The following GTSE1 variants were observed in gnomAD, a reference collection of about 807,000 sequenced individuals.
GTSE1 encodes the protein G2 and S phase-expressed protein 1.
In GTSE1, 52 loss-of-function variants were observed where a neutral mutation model predicts 60.5. The ratio of observed to expected loss-of-function variants is 0.86; its 90% CI spans 0.69 to 1.08. GTSE1 has a LOEUF of 1.08. Ranked by LOEUF, GTSE1 falls within the 50% of genes least tolerant of loss-of-function variation. The probability of loss-of-function intolerance (pLI) is 0.00; values close to 1 mark genes in which losing one functional copy is unlikely to be tolerated. For synonymous variants in GTSE1, 368 were observed against 386.5 expected (o/e 0.95, Z 0.56); for missense variants, 937 against 961.8 (o/e 0.97, Z 0.34).
chr22:46,329,641 G>A lies in GTSE1; in HGVS notation c.2136+74G>A, dbSNP rs1050883579. On this transcript the variant is annotated intron_variant, in intron 11 of 11. Coordinates refer to ENST00000454366, the MANE Select transcript of GTSE1 (RefSeq NM_016426.7). The surrounding 1 kb of genome is among the most constrained non-coding windows in gnomAD (Gnocchi z 6.4). ...GTTCTGGGATTGTTCATCCTCCCAG[G>A]GCCATCGTGGGACCCTTGAGAGTGG... 8.6e-7 allele frequency: 1 copy of A among 1,158,168 alleles called. No homozygotes were observed. The highest frequency in any genetic ancestry group is 1.3e-6 in the Non-Finnish European group (1 of 772,026). The allele number at this position is 1,158,168 out of a possible 1,614,324, so 71.7% of individuals were successfully genotyped here. A position where few individuals can be genotyped will look rare whatever the true frequency, so the allele number is the denominator to read the frequency against.
chr22:46,325,062 A>C (rs2077835994), intron 8 of GTSE1, among the ~76,000 whole-genome samples: 1 of 152,156 alleles, frequency 6.6e-6, no homozygotes, highest in South Asian at 2.1e-4. Context: ...GTTTCTCACA[A>C]TTCTGGAGGC....
rs113244983 is a variant in GTSE1 at position 46,312,154 on chromosome 22, T to A, written c.776T>A (p.Ile259Asn). Residue 259 changes from isoleucine (I) to asparagine (N), a missense_variant, in exon 5 of 12, where the codon ATT (isoleucine) becomes AAT (asparagine). Transcript: ENST00000454366. ...PGAAEKPKKE[I>N]PASPSRTKIP... is the part of the protein sequence containing the mutation. ...TAAAATTTTCAGCCCAAGAAAGAGATTCCAGCTAGTCCTTCCAGGACAAAA... is the reference window on the plus strand; with the variant it reads ...TAAAATTTTCAGCCCAAGAAAGAGAATCCAGCTAGTCCTTCCAGGACAAAA... 5.6e-6 allele frequency: 9 copies of A among 1,612,796 alleles called. No homozygotes were observed. In the South Asian group the frequency reaches 8.8e-5, roughly 16 times the overall value.
In GTSE1 at chr22:46,309,941, C is replaced by T. The variant is rs190956779; in HGVS notation, c.762+998C>T. 4.7e-4 allele frequency among the ~76,000 whole-genome samples: 72 copies of T among 152,294 alleles called. No homozygotes were observed. Among genetic ancestry groups the T allele is most frequent in the African/African-American group, 1.6e-3 (65 of 41,556 alleles). On this transcript the variant is annotated intron_variant, in intron 4 of 11. Transcript: ENST00000454366. The surrounding 1 kb of genome is among the most constrained non-coding windows in gnomAD (Gnocchi z 6.2). ...ATTGTGCATGTAGCACGCGTGGACTCGGGGAGAGAGGTGGTGTGATTTGGG... is the reference window on the plus strand; with the variant it reads ...ATTGTGCATGTAGCACGCGTGGACTTGGGGAGAGAGGTGGTGTGATTTGGG...
Position 46,317,968 on chromosome 22 carries a change from G to T in GTSE1, c.1432+1556G>T, listed in dbSNP as rs1410822661. Among the ~76,000 whole-genome samples, 3 of 152,198 alleles carry T rather than the reference G, an allele frequency of 2.0e-5. No homozygotes were observed. Among genetic ancestry groups the T allele is most frequent in the African/African-American group, 7.2e-5 (3 of 41,446 alleles). On this transcript the variant is annotated intron_variant, in intron 7 of 11. Transcript: ENST00000454366. This position sits in a 1 kb window ranked among gnomAD's most constrained non-coding sequence, Gnocchi z 5.6. ...CTGCCCTGCACCTGTGCACTGCCTG[G>T]TGCTCAGCCAGAGACTCGAGATTCC...
At chr22:46,302,200 T>C (rs2147812641) in intron 2 of GTSE1, among the ~76,000 whole-genome samples, 1 of 152,322 alleles carries the variant, frequency 6.6e-6, no homozygotes, top group African/African-American at 2.4e-5. Flanking sequence ...TTTGTATCCT[T>C]TTTCTATCTT....
chr22:46,306,372 A>G (rs943877317), intron 2 of GTSE1, among the ~76,000 whole-genome samples: 163 of 151,966 alleles, frequency 1.1e-3, no homozygotes, highest in African/African-American at 3.7e-3. Context: ...TTGTAGAGAC[A>G]GGGTTTCACC....
intron 5 of GTSE1, among the ~76,000 whole-genome samples, chr22:46,312,671 G>A (rs1186798487): frequency 6.6e-6 from 1 of 150,586 alleles, no homozygotes; most frequent in Admixed American, 6.6e-5. Flanking sequence ...TGGAAAAGTT[G>A]AAAATACACC....
At chr22:46,311,887 T>C (rs2077750494) in intron 4 of GTSE1, among the ~76,000 whole-genome samples, 1 of 152,232 alleles carries the variant, frequency 6.6e-6, no homozygotes, top group Non-Finnish European at 1.5e-5. Flanking sequence ...ACCTCTCTCC[T>C]ATTAATGATC....
In GTSE1 at chr22:46,308,990, C is replaced by T; in HGVS notation, c.762+47C>T. ...CTGCCTGGGGAGCCCCCACTCCTTGCCCCTCAGCCCTCTCACAGAAGCCAC... is the reference window on the plus strand; with the variant it reads ...CTGCCTGGGGAGCCCCCACTCCTTGTCCCTCAGCCCTCTCACAGAAGCCAC... On this transcript the variant is annotated intron_variant, in intron 4 of 11. Coordinates refer to ENST00000454366, the MANE Select transcript of GTSE1 (RefSeq NM_016426.7). 3 of 1,548,472 alleles carry T rather than the reference C, an allele frequency of 1.9e-6. No individual in the cohort carries two copies. The South Asian group carries it at 3.7e-5, about 19-fold the overall frequency.
chr22:46,323,095 A>G, intron 7 of GTSE1, 95 bp from the exon 8 acceptor site: 1 of 830,682 alleles, frequency 1.2e-6, no homozygotes, highest in South Asian at 1.3e-5. Flanking sequence ...GACAGTGGAG[A>G]TACTCGGAGA....
rs147590487 is a variant in GTSE1, at chr22:46,314,535, C to T, written c.1051+522C>T. 1.7e-3 allele frequency among the ~76,000 whole-genome samples: 258 copies of T among 152,152 alleles called. 1 individual carries two copies. Among genetic ancestry groups the T allele is most frequent in the African/African-American group, 5.7e-3 (235 of 41,520 alleles). ...TCTTCGAGGTGCATTGGCCATGTGG[C>T]GTCTCGGGGTCGTTCAGGGCAGCAT... is the stretch of plus-strand genomic sequence containing the variant. On this transcript the variant is annotated intron_variant, in intron 6 of 11. Coordinates refer to ENST00000454366, the MANE Select transcript of GTSE1 (RefSeq NM_016426.7). The surrounding 1 kb of genome is among the most constrained non-coding windows in gnomAD (Gnocchi z 7.1).
rs1228438043 is a variant in GTSE1, at chr22:46,318,972, C to A, written c.1432+2560C>A. 6.6e-6 allele frequency among the ~76,000 whole-genome samples: 1 copy of A among 152,150 alleles called. No individual in the cohort carries two copies. The highest frequency in any genetic ancestry group is 1.5e-5 in the Non-Finnish European group (1 of 68,022). On this transcript the variant is annotated intron_variant, in intron 7 of 11. Coordinates refer to ENST00000454366, the MANE Select transcript of GTSE1 (RefSeq NM_016426.7). The surrounding 1 kb of genome is among the most constrained non-coding windows in gnomAD (Gnocchi z 4.8). ...GAGCAAATCCCCACCTTTCAAGGACCCTCACTGCAAGTTGTCCCTGTGACT... is the reference window on the plus strand; with the variant it reads ...GAGCAAATCCCCACCTTTCAAGGACACTCACTGCAAGTTGTCCCTGTGACT...
chr22:46,306,545 A>G (rs548566137), intron 2 of GTSE1, among the ~76,000 whole-genome samples: 16 of 151,744 alleles, frequency 1.1e-4, no homozygotes, highest in Admixed American at 3.3e-4. Flanking sequence ...CAGTGGCGCA[A>G]TCTTGGTTCA....
At chr22:46,325,176 C>A (rs2077836490) in intron 8 of GTSE1, among the ~76,000 whole-genome samples, 1 of 152,068 alleles carries the variant, frequency 6.6e-6, no homozygotes, top group South Asian at 2.1e-4. Flanking sequence ...TAGGGGTGAA[C>A]AAGTTTCTTT....
rs777141676 is a variant in GTSE1, at chr22:46,330,168, A to G, written c.*38A>G. On this transcript the variant is annotated 3_prime_UTR_variant, in exon 12 of 12. Coordinates refer to ENST00000454366, the MANE Select transcript of GTSE1 (RefSeq NM_016426.7). This position sits in a 1 kb window ranked among gnomAD's most constrained non-coding sequence, Gnocchi z 6.0. Reference sequence around the variant, plus strand: ...CCTTTGCCTTGAAAGAACAGCCCTAAAGTGGTTTTCAACCCTCAGAAACAA... The same window carrying G: ...CCTTTGCCTTGAAAGAACAGCCCTAGAGTGGTTTTCAACCCTCAGAAACAA... 7.6e-7 allele frequency: 1 copy of G among 1,317,834 alleles called. No individual in the cohort carries two copies. Among genetic ancestry groups the G allele is most frequent in the Admixed American group, 1.7e-5 (1 of 59,580 alleles). 81.6% of individuals were successfully genotyped at this position (1,317,834 alleles called of 1,614,324 possible). A position where few individuals can be genotyped will look rare whatever the true frequency, so the allele number is the denominator to read the frequency against.
chr22:46,323,820 T>TG (rs1203680571), intron 8 of GTSE1, among the ~76,000 whole-genome samples: 4 of 152,284 alleles, frequency 2.6e-5, no homozygotes, highest in Admixed American at 1.3e-4. Context: ...CCCTAGTAGC[T>TG]GGGACTACAG....
rs777720487 is a variant in GTSE1, at chr22:46,326,567, C to A, written c.1637C>A (p.Pro546His). The A allele has an allele frequency of 6.2e-7, 1 of 1,614,136 alleles. No individual in the cohort carries two copies. The highest frequency in any genetic ancestry group is 2.2e-5 in the East Asian group (1 of 44,878). Reference protein sequence around the residue: ...RRCSGLPPMTPKTMPRAVGSP... With the variant: ...RRCSGLPPMTHKTMPRAVGSP... ...TGCTCTGGCCTTCCACCGATGACCC[C>A]CAAAACGATGCCCAGGGCCGTGGGC... Residue 546 changes from proline to histidine, a missense_variant, in exon 9 of 12, where the codon CCC (proline) becomes CAC (histidine). Coordinates refer to ENST00000454366, the MANE Select transcript of GTSE1 (RefSeq NM_016426.7).
intron 9 of GTSE1, 137 bp from the exon 10 acceptor site, chr22:46,328,544 CTGGGGGT>C: frequency 1.6e-6 from 1 of 618,886 alleles, no homozygotes; most frequent in Admixed American, 2.8e-5. Context: ...ACACAGGAAA[CTGGGGGT>C]CTGGAGGGTG....
intron 9 of GTSE1, chr22:46,327,119 T>G (rs538526161): frequency 6.5e-6 from 1 of 152,772 alleles, no homozygotes; most frequent in African/African-American, 2.4e-5. Flanking sequence ...GGAGGATCAC[T>G]TGAGCTCAGG....
Sources: allele counts gnomAD v4.1 joint callset (sites outside exome capture counted in the v4.1 genomes callset), GRCh38; gene constraint gnomAD v4.1.1; non-coding constraint Gnocchi (gnomAD v3.1); transcripts MANE v1.5; gene names NCBI Gene and HGNC (gene_info 2026-07-23, HGNC 2026-07-21).